SLC22A15: variants seen among roughly 807,000 people sequenced by gnomAD.
SLC22A15 encodes flipt 1.
In SLC22A15, 45 loss-of-function variants were observed where a neutral mutation model predicts 62.7. That is an observed-to-expected ratio of 0.72 (90% CI 0.56 to 0.92). The LOEUF (loss-of-function observed/expected upper bound fraction) is 0.92, where lower values mean the gene tolerates loss of function less well. Ranked by LOEUF, SLC22A15 falls within the 40% of genes least tolerant of loss-of-function variation. The probability of loss-of-function intolerance (pLI) is 0.00; values close to 1 mark genes in which losing one functional copy is unlikely to be tolerated. For missense variants in SLC22A15, 622 were observed against 665.6 expected, an observed-to-expected ratio of 0.93 and a Z score of 0.72; for synonymous variants, 264 against 267.0, an observed-to-expected ratio of 0.99 and a Z score of 0.11.
chr1:116,016,432 G>T (rs1174208142), intron 2 of SLC22A15, among the ~76,000 whole-genome samples: 6 of 152,114 alleles, frequency 3.9e-5, no homozygotes, highest in Non-Finnish European at 5.9e-5. Flanking sequence ...TCGCCATGTT[G>T]CCCAGGCTGC....
In SLC22A15 at chr1:115,982,872, G is replaced by A. The variant is rs558860179; in HGVS notation, c.87+6158G>A. On this transcript the variant is annotated intron_variant, in intron 1 of 11. Coordinates refer to ENST00000369503, the MANE Select transcript of SLC22A15 (RefSeq NM_018420.3). ...TCTCTGTTAGGGAACATGTCCAAGAGGAAGACATGTTTCTGCCCTCTTGCT... is the reference window on the plus strand; with the variant it reads ...TCTCTGTTAGGGAACATGTCCAAGAAGAAGACATGTTTCTGCCCTCTTGCT... 2.0e-5 allele frequency among the ~76,000 whole-genome samples: 3 copies of A among 152,296 alleles called. No homozygotes were observed. The East Asian group carries it at 5.8e-4, about 29-fold the overall frequency.
Position 116,068,111 on chromosome 1 carries a change from C to T in SLC22A15, c.*1003C>T, listed in dbSNP as rs1658539916. On this transcript the variant is annotated 3_prime_UTR_variant, in exon 12 of 12. Transcript: ENST00000369503. ...AGAACTTCTTGTCCTAGATCAGCCC[C>T]AATCTGTTTAATCAAAATGGAAGGT... 6.6e-6 allele frequency: 1 copy of T among 152,624 alleles called. No homozygotes were observed. The highest frequency in any genetic ancestry group is 6.5e-5 in the Admixed American group (1 of 15,274). The allele number at this position is 152,624 out of a possible 1,614,324, so 9.5% of individuals were successfully genotyped here. A position where few individuals can be genotyped will look rare whatever the true frequency, so the allele number is the denominator to read the frequency against.
At position 116,056,493 on chromosome 1, in the gene SLC22A15, T is replaced by C. The variant is rs908753026; in HGVS notation, c.1172-6269T>C. ...TGGCCATACTGCCCAAGGTAATTTA[T>C]AGATTCAATGCCATCCCCATCAAGC... On this transcript the variant is annotated intron_variant, in intron 8 of 11. Coordinates refer to ENST00000369503, the MANE Select transcript of SLC22A15 (RefSeq NM_018420.3). Among the ~76,000 whole-genome samples, 21 of 151,108 alleles carry C rather than the reference T, an allele frequency of 1.4e-4. 1 individual carries two copies. The highest frequency in any genetic ancestry group is 3.4e-3 in the Middle Eastern group (1 of 294).
intron 2 of SLC22A15, among the ~76,000 whole-genome samples, chr1:116,000,897 G>C (rs1053601991): frequency 6.6e-6 from 1 of 152,098 alleles, no homozygotes; most frequent in Non-Finnish European, 1.5e-5. Flanking sequence ...CTCCCAAAGT[G>C]CTGGGATTAC....
At chr1:116,006,594 G>A (rs1655996127) in intron 2 of SLC22A15, among the ~76,000 whole-genome samples, 1 of 152,044 alleles carries the variant, frequency 6.6e-6, no homozygotes, top group Admixed American at 6.6e-5. Flanking sequence ...CCACTGGGGT[G>A]CATCTAAGAA....
intron 2 of SLC22A15, among the ~76,000 whole-genome samples, chr1:116,012,338 C>G (rs1033931494): frequency 1.3e-5 from 2 of 151,932 alleles, no homozygotes; most frequent in African/African-American, 4.8e-5. Context: ...CTTTGGTCTT[C>G]CTAATATTCA....
chr1:115,983,506 A>T (rs1012226819), intron 1 of SLC22A15, among the ~76,000 whole-genome samples: 3 of 152,176 alleles, frequency 2.0e-5, no homozygotes, highest in Non-Finnish European at 2.9e-5. Context: ...TGCATCATTC[A>T]TTATGGAGAT....
At chr1:115,976,799 G>T in intron 1 of SLC22A15, 85 bp downstream of exon 1, 1 of 1,108,892 alleles carries the variant, frequency 9.0e-7, no homozygotes, top group Non-Finnish European at 1.3e-6. Flanking sequence ...GACCGCCGGG[G>T]CCGGGGCCGA....
chr1:116,025,993 A>G (rs998604131), intron 4 of SLC22A15, among the ~76,000 whole-genome samples: 2 of 152,234 alleles, frequency 1.3e-5, no homozygotes, highest in African/African-American at 4.8e-5. Context: ...ACAAAAATCC[A>G]TGCTTAAGGG....
At chr1:116,053,626 A>G (rs1658119876) in intron 8 of SLC22A15, among the ~76,000 whole-genome samples, 1 of 152,214 alleles carries the variant, frequency 6.6e-6, no homozygotes, top group Non-Finnish European at 1.5e-5. Context: ...GTTGAAATGA[A>G]GGAAAAAATG....
intron 8 of SLC22A15, among the ~76,000 whole-genome samples, chr1:116,061,287 G>T (rs1658373013): frequency 6.6e-6 from 1 of 152,190 alleles, no homozygotes; most frequent in South Asian, 2.1e-4. Flanking sequence ...GAAAGTAGGG[G>T]CAGTGGAGGT....
At chr1:115,979,757 A>C (rs1654522813) in intron 1 of SLC22A15, among the ~76,000 whole-genome samples, 1 of 152,136 alleles carries the variant, frequency 6.6e-6, no homozygotes, top group African/African-American at 2.4e-5. Flanking sequence ...TTAGACATGC[A>C]ATGAAAATGG....
intron 1 of SLC22A15, among the ~76,000 whole-genome samples, chr1:115,990,398 A>G (rs1266548936): frequency 6.6e-6 from 1 of 152,220 alleles, no homozygotes; most frequent in African/African-American, 2.4e-5. Context: ...ATACCCATCA[A>G]TTAAATTTCA....
chr1:116,010,586 G>T (rs1565694), intron 2 of SLC22A15, among the ~76,000 whole-genome samples: 77,707 of 151,968 alleles, frequency 0.51, 21,591 homozygotes, highest in Non-Finnish European at 0.64. Context: ...GTCACAGGAG[G>T]CCTCTGATTA....
intron 1 of SLC22A15, among the ~76,000 whole-genome samples, chr1:115,977,407 C>A (rs1457478682): frequency 6.6e-6 from 1 of 152,238 alleles, no homozygotes; most frequent in Non-Finnish European, 1.5e-5. Flanking sequence ...TACTTGTACA[C>A]CCCAGCCTCA....
Position 116,035,501 on chromosome 1 carries a change from G to A in SLC22A15, c.1085+174G>A, listed in dbSNP as rs1241254694. On this transcript the variant is annotated intron_variant, in intron 7 of 11. Transcript: ENST00000369503. The stretch of plus-strand genomic sequence containing the variant: ...AAAAACAGTTAGAATTCATTTCTTA[G>A]TGCAGGATTTCTTGAGTTTCATGTT... 2.6e-5 allele frequency among the ~76,000 whole-genome samples: 4 copies of A among 152,138 alleles called. No individual in the cohort carries two copies. The East Asian group carries it at 7.7e-4, about 29-fold the overall frequency.
intron 4 of SLC22A15, among the ~76,000 whole-genome samples, chr1:116,022,051 G>C (rs912171485): frequency 2.6e-5 from 4 of 152,158 alleles, no homozygotes; most frequent in Non-Finnish European, 5.9e-5. Flanking sequence ...CTTGTGGTCT[G>C]TTTGCATCTC....
Position 116,068,061 on chromosome 1 carries a change from C to CTGAAAG in SLC22A15, c.*953_*954insTGAAAG, listed in dbSNP as rs1274193004. 1 of 152,526 alleles carries CTGAAAG rather than the reference C, an allele frequency of 6.6e-6. No homozygotes were observed. The highest frequency in any genetic ancestry group is 2.4e-5 in the African/African-American group (1 of 41,408). The allele number at this position is 152,526 out of a possible 1,614,324, so 9.4% of individuals were successfully genotyped here. The stretch of plus-strand genomic sequence containing the variant: ...TGTTTGTTTTGCTTTCAGCATTGTG[C>CTGAAAG]CATGAGGGATTTGGACAATATTTAA... On this transcript the variant is annotated 3_prime_UTR_variant, in exon 12 of 12. Transcript: ENST00000369503.
chr1:115,978,341 C>T (rs976612836), intron 1 of SLC22A15, among the ~76,000 whole-genome samples: 2 of 152,174 alleles, frequency 1.3e-5, no homozygotes, highest in African/African-American at 4.8e-5. Context: ...TGTTAAGTTT[C>T]TCTAACTTAC....
Sources: allele counts gnomAD v4.1 joint callset (sites outside exome capture counted in the v4.1 genomes callset), GRCh38; gene constraint gnomAD v4.1.1; transcripts MANE v1.5; gene names NCBI Gene and HGNC (gene_info 2026-07-23, HGNC 2026-07-21).